Variants in LRCOL1 observed in about 807,000 individuals in gnomAD.
LRCOL1 encodes the protein leucine rich colipase like 1.
Under a neutral mutation model 21.6 loss-of-function variants are expected in LRCOL1, and 21 were observed. The ratio of observed to expected loss-of-function variants is 0.97; its 90% CI spans 0.69 to 1.40. The LOEUF is 1.40. Ranked by LOEUF, LRCOL1 falls within the 40% of genes most tolerant of loss-of-function variation. LRCOL1 has a pLI of 0.00. For synonymous variants in LRCOL1, 98 were observed against 90.1 expected, an observed-to-expected ratio of 1.09 and a Z score of -0.49; for missense variants, 198 against 202.3, an observed-to-expected ratio of 0.98 and a Z score of 0.13.
intron 2 of LRCOL1, chr12:132,605,912 G>T: frequency 1.9e-6 from 1 of 527,280 alleles, no homozygotes; most frequent in Non-Finnish European, 3.4e-6. Context: ...TGCTGGGGTC[G>T]CCGTCCCATA....
chr12:132,603,611 ACGAGGGCGCCTGGTGGTACC>A (rs58293108), intron 5 of LRCOL1: 691,259 of 983,806 alleles, frequency 0.7, 244,181 homozygotes, highest in East Asian at 0.94. Flanking sequence ...CCCAGCGCCC[ACGAGGGCGCCTGGTGGTACC>A]CGAGGGCGCC....
rs1413739241 is a variant in LRCOL1, at chr12:132,606,681, G to C, written c.-13-417C>G. On this transcript the variant is annotated intron_variant, in intron 1 of 5. Transcript: ENST00000376608. This position sits in a 1 kb window ranked among gnomAD's most constrained non-coding sequence, Gnocchi z 4.6. ...CCGATCCGATGCCCTAAACATCCCC[G>C]TGCCCCGTCTATTCGCTCCTCCCTC... is the stretch of plus-strand genomic sequence containing the variant. 6.6e-6 allele frequency among the ~76,000 whole-genome samples: 1 copy of C among 151,906 alleles called. No homozygotes were observed. The highest frequency in any genetic ancestry group is 6.6e-5 in the Admixed American group (1 of 15,262).
chr12:132,604,048 G>T, intron 5 of LRCOL1: 1 of 1,398,946 alleles, frequency 7.1e-7, no homozygotes, highest in Non-Finnish European at 9.3e-7. Context: ...GGGCCTGGTG[G>T]GCTCAGTGCC....
intron 1 of LRCOL1, among the ~76,000 whole-genome samples, chr12:132,608,027 C>G (rs1225951167): frequency 2.8e-5 from 4 of 142,500 alleles, no homozygotes; most frequent in African/African-American, 1.0e-4. Flanking sequence ...CTCTGTCTCT[C>G]TCTGTCTCTG....
chr12:132,610,116 G>A (rs2041354703), intron 1 of LRCOL1, among the ~76,000 whole-genome samples: 1 of 152,198 alleles, frequency 6.6e-6, no homozygotes, highest in Admixed American at 6.5e-5. Context: ...GCAGGGCCGG[G>A]CACCTGGCAG....
Position 132,603,373 on chromosome 12 carries a change from G to A in LRCOL1, c.*29C>T, listed in dbSNP as rs181136890. ...GCGTGAACATCCCAGGGCCCAGGCC[G>A]GTCCCTCGCGCCCAGGTTCGAGCTC... On this transcript the variant is annotated 3_prime_UTR_variant, in exon 6 of 6. Transcript: ENST00000376608. The A allele has an allele frequency of 7.2e-6, 11 of 1,536,150 alleles. No individual in the cohort carries two copies. The highest frequency in any genetic ancestry group is 5.9e-5 in the South Asian group (5 of 84,056).
Position 132,606,061 on chromosome 12 carries a change from G to T in LRCOL1, c.105+86C>A. On this transcript the variant is annotated intron_variant, in intron 2 of 5. Transcript: ENST00000376608. This position sits in a 1 kb window ranked among gnomAD's most constrained non-coding sequence, Gnocchi z 4.6. ...GGAAAGTGGCAGCCCTCGCGGGTGGGGACTGCAAGGGCCTCAGGGGCGCCC... is the reference window on the plus strand; with the variant it reads ...GGAAAGTGGCAGCCCTCGCGGGTGGTGACTGCAAGGGCCTCAGGGGCGCCC... The T allele has an allele frequency of 7.8e-7, 1 of 1,289,864 alleles. No homozygotes were observed. The highest frequency in any genetic ancestry group is 1.1e-6 in the Non-Finnish European group (1 of 931,554). 79.9% of individuals were successfully genotyped at this position (1,289,864 alleles called of 1,614,324 possible). A position where few individuals can be genotyped will look rare whatever the true frequency, so the allele number is the denominator to read the frequency against.
chr12:132,607,128 C>T (rs1188041058), intron 1 of LRCOL1, among the ~76,000 whole-genome samples: 1 of 152,210 alleles, frequency 6.6e-6, no homozygotes, highest in Non-Finnish European at 1.5e-5. Flanking sequence ...AAGCTATGCT[C>T]ATTGTGAGCC....
At chr12:132,608,181 A>G (rs1363020858) in intron 1 of LRCOL1, among the ~76,000 whole-genome samples, 3 of 151,858 alleles carry the variant, frequency 2.0e-5, no homozygotes, top group African/African-American at 7.3e-5. Context: ...CAGTGACCCC[A>G]CTCCACACTC....
At position 132,606,030 on chromosome 12, in the gene LRCOL1, C is replaced by G; in HGVS notation, c.105+117G>C. ...GCGCTTTGTGTCCCTTTGAGACCCT[C>G]CTGACGGAAAGTGGCAGCCCTCGCG... is the stretch of plus-strand genomic sequence containing the variant. On this transcript the variant is annotated intron_variant, in intron 2 of 5. Coordinates refer to ENST00000376608, the MANE Select transcript of LRCOL1 (RefSeq NM_001195520.2). This position sits in a 1 kb window ranked among gnomAD's most constrained non-coding sequence, Gnocchi z 4.6. The G allele has an allele frequency of 1.1e-6, 1 of 921,762 alleles. No homozygotes were observed. The highest frequency in any genetic ancestry group is 2.4e-5 in the Admixed American group (1 of 41,306). The allele number at this position is 921,762 out of a possible 1,614,324, so 57.1% of individuals were successfully genotyped here.
At chr12:132,610,094 C>G (rs1593655504) in intron 1 of LRCOL1, among the ~76,000 whole-genome samples, 1 of 152,240 alleles carries the variant, frequency 6.6e-6, no homozygotes. Context: ...TGAGTTTCGG[C>G]GGCCCAGCAG....
intron 1 of LRCOL1, among the ~76,000 whole-genome samples, chr12:132,609,572 C>A (rs746064778): frequency 6.6e-6 from 1 of 152,088 alleles, no homozygotes. Flanking sequence ...TGGTGCATCC[C>A]GGTAGTCCCA....
At chr12:132,605,679 A>C (rs1275103199) in intron 2 of LRCOL1, 2 of 153,922 alleles carry the variant, frequency 1.3e-5, no homozygotes, top group African/African-American at 4.8e-5. Context: ...CAGTGAGCTG[A>C]GATCGTGCCA....
chr12:132,610,214 C>T (rs2041355453), intron 1 of LRCOL1, 109 bp downstream of exon 1: 1 of 152,256 alleles, frequency 6.6e-6, no homozygotes, highest in Non-Finnish European at 1.5e-5. Context: ...GTGCACACGT[C>T]CTATTGACAC....
chr12:132,607,747 CTCTG>C (rs2041328536), intron 1 of LRCOL1, among the ~76,000 whole-genome samples: 1 of 150,268 alleles, frequency 6.7e-6, no homozygotes, highest in African/African-American at 2.5e-5. Flanking sequence ...CTCTCTCCGT[CTCTG>C]TCTCTCTCTG....
intron 1 of LRCOL1, among the ~76,000 whole-genome samples, chr12:132,607,915 GTCTGTCTCTC>G (rs2041332720): frequency 1.0e-5 from 1 of 97,890 alleles, no homozygotes; most frequent in Admixed American, 1.0e-4. Context: ...CCCTCTCTCC[GTCTGTCTCTC>G]TCTGTCTCTC....
rs1291084907 is a variant in LRCOL1 at position 132,606,516 on chromosome 12, C to T, written c.-13-252G>A. 2.6e-5 allele frequency among the ~76,000 whole-genome samples: 4 copies of T among 152,198 alleles called. No homozygotes were observed. The East Asian group carries it at 5.8e-4, about 22-fold the overall frequency. ...TCCCCTATTATAAACATGCTGCACT[C>T]GTGTGACACATCTGTCCACCATTGA... On this transcript the variant is annotated intron_variant, in intron 1 of 5. Coordinates refer to ENST00000376608, the MANE Select transcript of LRCOL1 (RefSeq NM_001195520.2). This position sits in a 1 kb window ranked among gnomAD's most constrained non-coding sequence, Gnocchi z 4.6.
chr12:132,604,872 A>C, intron 2 of LRCOL1, 41 bp from the exon 3 acceptor site: 2 of 1,531,690 alleles, frequency 1.3e-6, no homozygotes, highest in Non-Finnish European at 1.7e-6. Flanking sequence ...GTTCCTGGGC[A>C]GGGCCTGCAG....
chr12:132,606,303 C>T lies in LRCOL1; in HGVS notation c.-13-39G>A. The T allele has an allele frequency of 6.6e-7, 1 of 1,512,158 alleles. No homozygotes were observed. Among genetic ancestry groups the T allele is most frequent in the Non-Finnish European group, 8.9e-7 (1 of 1,127,080 alleles). The allele number at this position is 1,512,158 out of a possible 1,614,324, so 93.7% of individuals were successfully genotyped here. A position where few individuals can be genotyped will look rare whatever the true frequency, so the allele number is the denominator to read the frequency against. On this transcript the variant is annotated intron_variant, in intron 1 of 5. Transcript: ENST00000376608. The surrounding 1 kb of genome is among the most constrained non-coding windows in gnomAD (Gnocchi z 4.6). ...GGATTGTGTGGGAGTGTGTCCACGC[C>T]AGCCTTGTCCTGCCTGGCACCTGGT...
Sources: gnomAD v4.1 joint callset for allele counts (sites outside exome capture counted in the v4.1 genomes callset) on GRCh38, gnomAD v4.1.1 for gene constraint, Gnocchi (gnomAD v3.1) non-coding constraint, MANE v1.5 for transcripts, NCBI Gene and HGNC (gene_info 2026-07-23, HGNC 2026-07-21) for gene names.